ATP10B: variants seen among roughly 807,000 people sequenced by gnomAD.
The protein encoded by ATP10B is phospholipid-transporting ATPase VB.
In ATP10B, 122 loss-of-function variants were observed where a neutral mutation model predicts 141.2. The ratio of observed to expected loss-of-function variants is 0.86; its 90% CI spans 0.75 to 1.00. The LOEUF (loss-of-function observed/expected upper bound fraction) is 1.00. ATP10B is among the 50% of genes least tolerant of loss of function. ATP10B has a pLI of 0.00. For synonymous variants in ATP10B, 685 were observed against 692.0 expected (o/e 0.99, Z 0.16); for missense variants, 1,876 against 1,825.3 (o/e 1.03, Z -0.51).
At chr5:160,876,823 A>T in the ATP10B span, among the ~76,000 whole-genome samples, 1 of 150,184 alleles carries the variant, frequency 6.7e-6, no homozygotes, top group African/African-American at 2.4e-5. Context: ...CACTCTCCCA[A>T]GACTAAACCA....
chr5:160,818,999 C>T (rs1773900083), intron 1 of ATP10B, among the ~76,000 whole-genome samples: 1 of 152,032 alleles, frequency 6.6e-6, no homozygotes, highest in Non-Finnish European at 1.5e-5. Flanking sequence ...GGGCCTGTTG[C>T]TGGGGGGTGG....
intron 1 of ATP10B, among the ~76,000 whole-genome samples, chr5:160,837,959 A>G (rs1775562326): frequency 6.6e-6 from 1 of 152,204 alleles, no homozygotes; most frequent in Non-Finnish European, 1.5e-5. Flanking sequence ...TCTGTAATGT[A>G]GTTACAGATT....
chr5:160,864,122 A>C, the ATP10B span, among the ~76,000 whole-genome samples: 4 of 151,970 alleles, frequency 2.6e-5, no homozygotes, highest in African/African-American at 7.2e-5. Flanking sequence ...AAAACAAGAA[A>C]GGACATAAAA....
chr5:160,797,752 CAG>C (rs1291657166), intron 1 of ATP10B, among the ~76,000 whole-genome samples: 5 of 120,424 alleles, frequency 4.2e-5, no homozygotes, highest in South Asian at 5.4e-4. Flanking sequence ...CACAAACACA[CAG>C]AGAGAGAGAA....
chr5:160,877,222 G>T, the ATP10B span, among the ~76,000 whole-genome samples: 1 of 151,806 alleles, frequency 6.6e-6, no homozygotes, highest in Non-Finnish European at 1.5e-5. Context: ...ATGCAAGGCT[G>T]GTTCAATATA....
chr5:160,675,960 A>AT (rs1763009153), intron 6 of ATP10B, among the ~76,000 whole-genome samples: 1 of 152,148 alleles, frequency 6.6e-6, no homozygotes, highest in African/African-American at 2.4e-5. Flanking sequence ...ATGCCTAGAT[A>AT]TATCTGTGGA....
intron 2 of ATP10B, among the ~76,000 whole-genome samples, chr5:160,755,826 AAAAAAAAAAAAAATATAT>A (rs1455368526): frequency 2.9e-5 from 2 of 68,614 alleles, no homozygotes; most frequent in Admixed American, 4.6e-4. Context: ...AAAAAAAAAA[AAAAAAAAAAAAAATATAT>A]ATATATATAT....
intron 22 of ATP10B, among the ~76,000 whole-genome samples, chr5:160,591,850 C>T (rs1029873094): frequency 5.9e-5 from 9 of 152,180 alleles, no homozygotes; most frequent in South Asian, 2.1e-4. Context: ...ATGCCCCCTT[C>T]GTCTGGACTG....
intron 1 of ATP10B, among the ~76,000 whole-genome samples, chr5:160,832,082 A>G (rs1000844693): frequency 1.3e-5 from 2 of 151,220 alleles, no homozygotes; most frequent in Non-Finnish European, 3.0e-5. Flanking sequence ...TTTGTCAACA[A>G]GTAATCAGAA....
At chr5:160,733,797 C>G (rs886309570) in intron 2 of ATP10B, among the ~76,000 whole-genome samples, 11 of 151,338 alleles carry the variant, frequency 7.3e-5, no homozygotes, top group Admixed American at 7.2e-4. Context: ...ATTATATAAG[C>G]AACAAAAATA....
At chr5:160,839,802 C>G (rs1330216033) in intron 1 of ATP10B, among the ~76,000 whole-genome samples, 1 of 151,870 alleles carries the variant, frequency 6.6e-6, no homozygotes, top group Non-Finnish European at 1.5e-5. Flanking sequence ...TGCCTGTTTA[C>G]TAGGCAAATG....
intron 3 of ATP10B, among the ~76,000 whole-genome samples, chr5:160,702,102 C>T (rs959549398): frequency 1.3e-5 from 2 of 152,206 alleles, no homozygotes; most frequent in Non-Finnish European, 2.9e-5. Flanking sequence ...CATCACTTTA[C>T]ACCTCCTTCC....
At position 160,632,203 on chromosome 5, in the gene ATP10B, G is replaced by C. The variant is rs778086623; in HGVS notation, c.1546C>G (p.Gln516Glu). The C allele has an allele frequency of 2.0e-5, 33 of 1,614,068 alleles. 1 individual carries two copies. In the South Asian group the frequency reaches 3.0e-4, roughly 14 times the overall value. Residue 516 changes from glutamine (Q) to glutamate (E), a missense_variant, in exon 13 of 26, where the codon CAG becomes GAG. By Grantham distance (29) the Gln-to-Glu change is conservative. Coordinates refer to ENST00000327245, the MANE Select transcript of ATP10B (RefSeq NM_025153.3). The stretch of plus-strand genomic sequence containing the variant: ...ATAGACCTTTGCCGGTAGTGGCCCT[G>C]GATGGGCACCCGGGCACTCTGGCTC... ...RRSQSARVPI[Q>E]GHYRQRSMGH... is the part of the protein sequence containing the mutation.
At chr5:160,864,483 G>T in the ATP10B span, among the ~76,000 whole-genome samples, 2 of 151,924 alleles carry the variant, frequency 1.3e-5, no homozygotes, top group African/African-American at 4.8e-5. Context: ...CATACTGAAT[G>T]AGGAAAAGTT....
At chr5:160,734,961 C>G (rs1417654988) in intron 2 of ATP10B, among the ~76,000 whole-genome samples, 1 of 151,438 alleles carries the variant, frequency 6.6e-6, no homozygotes, top group Non-Finnish European at 1.5e-5. Context: ...TATTTGTAAG[C>G]CTCATAGTAA....
chr5:160,632,189 C>A lies in ATP10B; in HGVS notation c.1560G>T (p.Arg520=), dbSNP rs1758981679. ...TTTCACGGTGCCCCATAGACCTTTG[C>A]CGGTAGTGGCCCTGGATGGGCACCC... ...SARVPIQGHY[R]QRSMGHRESS... Residue 520 remains arginine (R), a synonymous_variant, in exon 13 of 26, where the codon CGG becomes CGT. Transcript: ENST00000327245. 6.2e-7 allele frequency: 1 copy of A among 1,614,204 alleles called. No individual in the cohort carries two copies. The highest frequency in any genetic ancestry group is 1.1e-5 in the South Asian group (1 of 91,078).
At chr5:160,914,378 C>T in the ATP10B span, among the ~76,000 whole-genome samples, 1 of 152,212 alleles carries the variant, frequency 6.6e-6, no homozygotes, top group African/African-American at 2.4e-5. Context: ...TAGTTCTAGG[C>T]CCCCCGATTC....
chr5:160,770,652 G>T (rs1451980428), intron 2 of ATP10B, among the ~76,000 whole-genome samples: 1 of 152,020 alleles, frequency 6.6e-6, no homozygotes, highest in African/African-American at 2.4e-5. Context: ...GGTAATTTTG[G>T]TTAGTGTACT....
Position 160,606,828 on chromosome 5 carries a change from G to A in ATP10B, c.3097C>T (p.Leu1033Phe). 1.2e-6 allele frequency: 2 copies of A among 1,614,156 alleles called. No individual in the cohort carries two copies. The highest frequency in any genetic ancestry group is 1.7e-6 in the Non-Finnish European group (2 of 1,179,996). The part of the protein sequence containing the change: ...RSVLCCRSTP[L>F]QKSMIVKLVR... Reference sequence around the variant, plus strand: ...AGCTTGACTATCATACTCTTCTGGAGTGGCGTGGAGCGGCAGCACAGGACG... The same window carrying A: ...AGCTTGACTATCATACTCTTCTGGAATGGCGTGGAGCGGCAGCACAGGACG... The change falls in exon 19 of 26, where the codon CTC becomes TTC. Residue 1033 changes from leucine (L) to phenylalanine (F), a missense_variant. Physicochemically the swap from Leu to Phe is conservative, Grantham distance 22. Transcript: ENST00000327245.
Sources: allele counts gnomAD v4.1 joint callset (sites outside exome capture counted in the v4.1 genomes callset), GRCh38; gene constraint gnomAD v4.1.1; transcripts MANE v1.5; gene names NCBI Gene and HGNC (gene_info 2026-07-23, HGNC 2026-07-21).